LTBP1: variants seen among roughly 807,000 people sequenced by gnomAD.
The protein encoded by LTBP1 is latent-transforming growth factor beta-binding protein 1.
In LTBP1, 129 loss-of-function variants were observed where a neutral mutation model predicts 207.6. That is an observed-to-expected ratio of 0.62 (90% confidence interval 0.54 to 0.72). The LOEUF (loss-of-function observed/expected upper bound fraction) is 0.72, where lower values mean the gene tolerates loss of function less well. Ranked by LOEUF, LTBP1 falls within the 30% of genes least tolerant of loss-of-function variation. The pLI, the probability that LTBP1 is intolerant of heterozygous loss-of-function variation, is 0.00. For synonymous variants in LTBP1, 963 were observed against 833.7 expected (o/e 1.16, Z -2.67); for missense variants, 2,281 against 2,217.2 (o/e 1.03, Z -0.58).
rs975728439 is a variant in LTBP1, at chr2:33,398,822, A to T, written c.*277A>T. Reference sequence around the variant, plus strand: ...GGAACAGTGCTGTTATTTTAAACAGAAGGTTGTATTATTATGTTGTTTTGT... The same window carrying T: ...GGAACAGTGCTGTTATTTTAAACAGTAGGTTGTATTATTATGTTGTTTTGT... On this transcript the variant is annotated 3_prime_UTR_variant, in exon 34 of 34. Coordinates refer to ENST00000404816, the MANE Select transcript of LTBP1 (RefSeq NM_206943.4). 10 of 246,484 alleles carry T rather than the reference A, an allele frequency of 4.1e-5. No homozygotes were observed. Among genetic ancestry groups the T allele is most frequent in the Non-Finnish European group, 7.7e-5 (10 of 129,408 alleles). The allele number at this position is 246,484 out of a possible 1,614,324, so 15.3% of individuals were successfully genotyped here.
chr2:33,189,435 G>C (rs1276244277), intron 7 of LTBP1, among the ~76,000 whole-genome samples: 1 of 152,132 alleles, frequency 6.6e-6, no homozygotes. Context: ...ACCTCAAGTG[G>C]TCTGCCTGCC....
At chr2:33,136,423 C>T (rs967183721) in intron 5 of LTBP1, among the ~76,000 whole-genome samples, 2 of 152,134 alleles carry the variant, frequency 1.3e-5, no homozygotes, top group Non-Finnish European at 2.9e-5. Flanking sequence ...TTAATGACCT[C>T]TAAAATTTAG....
chr2:33,011,591 G>A (rs1687678358), intron 2 of LTBP1, among the ~76,000 whole-genome samples: 1 of 152,032 alleles, frequency 6.6e-6, no homozygotes, highest in Non-Finnish European at 1.5e-5. Context: ...CTCTGCTGAT[G>A]CATTGACCTT....
At chr2:33,263,509 A>T in intron 15 of LTBP1, 117 bp downstream of exon 15, 2 of 633,870 alleles carry the variant, frequency 3.2e-6, no homozygotes. Context: ...CATACTAGCA[A>T]ATATTTGGAA....
In LTBP1 at chr2:33,139,329, C is replaced by T. The variant is rs188448784; in HGVS notation, c.1201+4369C>T. 3.8e-4 allele frequency among the ~76,000 whole-genome samples: 58 copies of T among 152,220 alleles called. 1 individual carries two copies. Among genetic ancestry groups the T allele is most frequent in the Admixed American group, 3.5e-3 (54 of 15,288 alleles). ...CAATACCTCTGGCTCTCCCATGTTG[C>T]CTCCTATGACCATATATTAAGTGAC... On this transcript the variant is annotated intron_variant, in intron 5 of 33. Coordinates refer to ENST00000404816, the MANE Select transcript of LTBP1 (RefSeq NM_206943.4).
chr2:33,187,661 A>G (rs1213272500), intron 6 of LTBP1, among the ~76,000 whole-genome samples: 1 of 152,242 alleles, frequency 6.6e-6, no homozygotes, highest in African/African-American at 2.4e-5. Context: ...ACTGGCTCTA[A>G]TTCTTTAAAA....
chr2:33,105,802 GT>G (rs2080034446), intron 3 of LTBP1, among the ~76,000 whole-genome samples: 1 of 152,154 alleles, frequency 6.6e-6, no homozygotes, highest in Non-Finnish European at 1.5e-5. Context: ...GGTGCTGAAG[GT>G]TGGGGTGACT....
intron 2 of LTBP1, among the ~76,000 whole-genome samples, chr2:32,965,041 AAAAAAAC>A (rs1679737645): frequency 6.6e-6 from 1 of 152,066 alleles, no homozygotes; most frequent in South Asian, 2.1e-4. Flanking sequence ...TATCTTAATA[AAAAAAAC>A]AAAAAACAAA....
At chr2:33,312,498 C>A (rs1387466721) in intron 23 of LTBP1, among the ~76,000 whole-genome samples, 3 of 152,072 alleles carry the variant, frequency 2.0e-5, no homozygotes, top group Admixed American at 2.0e-4. Flanking sequence ...TTACGCATGC[C>A]AAATTATGAA....
chr2:33,277,465 G>A (rs1024326914), intron 18 of LTBP1, among the ~76,000 whole-genome samples: 49 of 152,132 alleles, frequency 3.2e-4, no homozygotes, highest in Non-Finnish European at 3.4e-4. Flanking sequence ...CCTTTGAAAC[G>A]TAGTACATCA....
At chr2:33,178,489 T>A (rs1199522527) in intron 5 of LTBP1, among the ~76,000 whole-genome samples, 2 of 152,180 alleles carry the variant, frequency 1.3e-5, no homozygotes, top group African/African-American at 2.4e-5. Flanking sequence ...CAGAACATGT[T>A]ATTGAAGCAT....
intron 20 of LTBP1, among the ~76,000 whole-genome samples, chr2:33,298,418 C>A (rs1344319509): frequency 6.6e-6 from 1 of 152,228 alleles, no homozygotes; most frequent in Non-Finnish European, 1.5e-5. Flanking sequence ...GACATCTTCA[C>A]ATGGGAATGC....
At chr2:33,242,457 C>T (rs964827505) in intron 9 of LTBP1, among the ~76,000 whole-genome samples, 9 of 152,156 alleles carry the variant, frequency 5.9e-5, no homozygotes, top group African/African-American at 1.4e-4. Flanking sequence ...GAATCTTCTG[C>T]TGCTACTGGG....
intron 8 of LTBP1, among the ~76,000 whole-genome samples, chr2:33,219,807 G>T (rs955436527): frequency 4.0e-5 from 6 of 151,896 alleles, no homozygotes; most frequent in Non-Finnish European, 7.4e-5. Context: ...AAACCCCAAA[G>T]TAGCAGGGAT....
intron 24 of LTBP1, among the ~76,000 whole-genome samples, chr2:33,342,101 A>G (rs1352375203): frequency 3.3e-5 from 5 of 152,346 alleles, no homozygotes; most frequent in South Asian, 2.1e-4. Flanking sequence ...GAAGAATTCT[A>G]TCTAAAAGTC....
chr2:33,086,590 T>G (rs1404452006), intron 3 of LTBP1, among the ~76,000 whole-genome samples: 1 of 152,240 alleles, frequency 6.6e-6, no homozygotes, highest in African/African-American at 2.4e-5. Flanking sequence ...TTCTCATTTA[T>G]TTCTTTATTG....
chr2:32,981,721 A>G lies in LTBP1; in HGVS notation c.565+32776A>G, dbSNP rs192872810. 4.6e-3 allele frequency among the ~76,000 whole-genome samples: 693 copies of G among 152,256 alleles called. 5 individuals carry two copies. Among genetic ancestry groups the G allele is most frequent in the Non-Finnish European group, 7.9e-3 (539 of 68,010 alleles). ...GGACCTGGTGGAAGGTAGTTGAATC[A>G]TGGGGGCGAGTTTTTCCTGTGCTGT... On this transcript the variant is annotated intron_variant, in intron 2 of 33. Transcript: ENST00000404816.
intron 3 of LTBP1, among the ~76,000 whole-genome samples, chr2:33,046,849 A>G (rs1371105587): frequency 1.3e-5 from 2 of 152,108 alleles, no homozygotes; most frequent in African/African-American, 4.8e-5. Flanking sequence ...GGGAGGGTGT[A>G]TGTGTCCAGG....
chr2:33,004,128 C>T (rs1686434215), intron 2 of LTBP1, among the ~76,000 whole-genome samples: 2 of 150,178 alleles, frequency 1.3e-5, no homozygotes, highest in African/African-American at 4.9e-5. Flanking sequence ...GAGTCTGCCT[C>T]GCTGATTGTT....
Sources: allele counts gnomAD v4.1 joint callset (sites outside exome capture counted in the v4.1 genomes callset), GRCh38; gene constraint gnomAD v4.1.1; transcripts MANE v1.5; gene names NCBI Gene and HGNC (gene_info 2026-07-23, HGNC 2026-07-21).